FHIT: variants seen among roughly 807,000 people sequenced by gnomAD.
FHIT encodes fragile histidine triad diadenosine triphosphatase.
A neutral mutation model predicts 17.9 loss-of-function variants in FHIT; 19 were observed. The ratio of observed to expected loss-of-function variants is 1.06; its 90% CI spans 0.74 to 1.56. The LOEUF is 1.56. Ranked by LOEUF, FHIT falls within the 40% of genes most tolerant of loss-of-function variation. The pLI is 0.00. For missense variants in FHIT, 248 were observed against 189.2 expected, an observed-to-expected ratio of 1.31 and a Z score of -1.82; for synonymous variants, 81 against 69.7, an observed-to-expected ratio of 1.16 and a Z score of -0.81.
rs147585188 is a variant in FHIT, at chr3:60,354,201, T to G, written c.103+182659A>C. On this transcript the variant is annotated intron_variant, in intron 5 of 9. Transcript: ENST00000492590. Reference sequence around the variant, plus strand: ...AAAATTGTTTAAAATACAATTATTTTATTTTTAAAGCATACATAAACTCAT... The same window carrying G: ...AAAATTGTTTAAAATACAATTATTTGATTTTTAAAGCATACATAAACTCAT... 9.0e-3 allele frequency among the ~76,000 whole-genome samples: 1,369 copies of G among 152,298 alleles called. 21 individuals are homozygous for G. Among genetic ancestry groups the G allele is most frequent in the African/African-American group, 0.031 (1,300 of 41,572 alleles).
At chr3:61,238,727 C>A (rs2040293486) in intron 1 of FHIT, among the ~76,000 whole-genome samples, 1 of 152,162 alleles carries the variant, frequency 6.6e-6, no homozygotes, top group Non-Finnish European at 1.5e-5. Context: ...TTTTAAAAAT[C>A]TCTTGAAGCC....
intron 2 of FHIT, among the ~76,000 whole-genome samples, chr3:61,131,009 G>A (rs560473730): frequency 7.9e-5 from 12 of 152,272 alleles, no homozygotes; most frequent in African/African-American, 2.9e-4. Context: ...AAAACACATA[G>A]GGTTAAAGTA....
At chr3:60,195,569 ATATAAT>A (rs1702597549) in intron 5 of FHIT, among the ~76,000 whole-genome samples, 4 of 138,694 alleles carry the variant, frequency 2.9e-5, no homozygotes, top group South Asian at 4.7e-4. Flanking sequence ...ATTTATATTT[ATATAAT>A]TATATTTATA....
At chr3:60,265,490 G>A (rs1443411075) in intron 5 of FHIT, among the ~76,000 whole-genome samples, 1 of 151,958 alleles carries the variant, frequency 6.6e-6, no homozygotes, top group African/African-American at 2.4e-5. Flanking sequence ...AAACCTTCAT[G>A]AGTACGGATT....
intron 5 of FHIT, among the ~76,000 whole-genome samples, chr3:60,250,522 A>C (rs949252738): frequency 2.0e-5 from 3 of 152,164 alleles, no homozygotes; most frequent in Non-Finnish European, 4.4e-5. Context: ...AAGCTTCCTA[A>C]GAAACAGGTC....
chr3:60,458,840 T>G (rs1041482823), intron 5 of FHIT, among the ~76,000 whole-genome samples: 4 of 152,068 alleles, frequency 2.6e-5, no homozygotes, highest in Non-Finnish European at 4.4e-5. Flanking sequence ...GTGGCACAAA[T>G]CACGGCTCAC....
chr3:60,595,920 T>TGGTCCCATAATATATTTTCCTTTGC (rs1365562787), intron 4 of FHIT, among the ~76,000 whole-genome samples: 4 of 152,024 alleles, frequency 2.6e-5, no homozygotes, highest in African/African-American at 9.7e-5. Context: ...CCACCATGCC[T>TGGTCCCATAATATATTTTCCTTTGC]GGTCCCATAA....
chr3:60,468,490 G>A (rs1159484619), intron 5 of FHIT, among the ~76,000 whole-genome samples: 1 of 151,946 alleles, frequency 6.6e-6, no homozygotes, highest in Non-Finnish European at 1.5e-5. Flanking sequence ...TGAGTGTACT[G>A]TGAGGCTTGC....
At chr3:60,672,296 AAG>A (rs1189579051) in intron 4 of FHIT, among the ~76,000 whole-genome samples, 2 of 151,494 alleles carry the variant, frequency 1.3e-5, no homozygotes, top group East Asian at 1.9e-4. Flanking sequence ...TGAGTCCAAA[AAG>A]AGAGTTAGCG....
intron 5 of FHIT, among the ~76,000 whole-genome samples, chr3:60,046,122 G>A (rs1267590039): frequency 1.3e-5 from 2 of 152,104 alleles, no homozygotes; most frequent in Non-Finnish European, 2.9e-5. Context: ...CAGGCATTGG[G>A]TCATATGTGT....
intron 5 of FHIT, among the ~76,000 whole-genome samples, chr3:60,426,736 A>C (rs2107281427): frequency 6.6e-6 from 1 of 152,228 alleles, no homozygotes; most frequent in East Asian, 1.9e-4. Flanking sequence ...TGCCATCAGA[A>C]TTTTGGCTTC....
chr3:60,199,963 T>C (rs925649311), intron 5 of FHIT, among the ~76,000 whole-genome samples: 2 of 152,168 alleles, frequency 1.3e-5, no homozygotes, highest in African/African-American at 4.8e-5. Context: ...TATTCTTTTG[T>C]TGTACTAGGG....
At chr3:60,828,631 C>G (rs1049122227) in intron 3 of FHIT, among the ~76,000 whole-genome samples, 4 of 152,138 alleles carry the variant, frequency 2.6e-5, no homozygotes, top group Non-Finnish European at 5.9e-5. Flanking sequence ...GTAATCCCAG[C>G]ACGTTGGGAG....
intron 2 of FHIT, among the ~76,000 whole-genome samples, chr3:61,142,056 C>G (rs1399297113): frequency 6.6e-6 from 1 of 151,588 alleles, no homozygotes; most frequent in East Asian, 1.9e-4. Context: ...GGAGTCAAAG[C>G]TTCACTTGCT....
At chr3:60,589,486 A>C (rs2038012847) in intron 4 of FHIT, among the ~76,000 whole-genome samples, 1 of 152,070 alleles carries the variant, frequency 6.6e-6, no homozygotes, top group Non-Finnish European at 1.5e-5. Context: ...GAACATCATC[A>C]CAGTCCATGT....
Position 60,297,197 on chromosome 3 carries a change from A to T in FHIT, c.103+239663T>A, listed in dbSNP as rs190169447. On this transcript the variant is annotated intron_variant, in intron 5 of 9. Transcript: ENST00000492590. ...ACTAAAAATTGTTGCTGATATTTTC[A>T]TAAGAATTATATTAAAACTCTGTAT... 5.3e-5 allele frequency among the ~76,000 whole-genome samples: 8 copies of T among 152,112 alleles called. No individual in the cohort carries two copies. The East Asian group carries it at 1.5e-3, about 29-fold the overall frequency.
chr3:60,596,362 C>A (rs563809879), intron 4 of FHIT, among the ~76,000 whole-genome samples: 2 of 152,148 alleles, frequency 1.3e-5, no homozygotes, highest in Non-Finnish European at 2.9e-5. Context: ...CCAACCTTGG[C>A]CTTGCCGACA....
At chr3:60,470,018 C>G (rs2032999963) in intron 5 of FHIT, among the ~76,000 whole-genome samples, 1 of 137,386 alleles carries the variant, frequency 7.3e-6, no homozygotes, top group Admixed American at 7.3e-5. Context: ...TGAAATCTGT[C>G]TCTGTCTCTC....
intron 3 of FHIT, among the ~76,000 whole-genome samples, chr3:60,822,972 C>A (rs146824855): frequency 6.6e-6 from 1 of 152,170 alleles, no homozygotes; most frequent in Non-Finnish European, 1.5e-5. Flanking sequence ...CCTAGGATCT[C>A]ATTTAGAGGT....
Sources: allele counts gnomAD v4.1 joint callset (sites outside exome capture counted in the v4.1 genomes callset), GRCh38; gene constraint gnomAD v4.1.1; transcripts MANE v1.5; gene names NCBI Gene and HGNC (gene_info 2026-07-23, HGNC 2026-07-21).